Variants in SAFB observed in about 807,000 individuals in gnomAD.
SAFB encodes scaffold attachment factor B1.
SAFB carries 15 observed loss-of-function variants against 101.6 expected under a neutral mutation model. The observed-to-expected ratio is 0.15, with a 90% CI of 0.10 to 0.23. SAFB has a LOEUF of 0.23. Among genes scored for constraint, SAFB ranks in the 10% least tolerant of loss-of-function variants. The probability of loss-of-function intolerance (pLI) is 1.00; values close to 1 mark genes in which losing one functional copy is unlikely to be tolerated. For synonymous variants in SAFB, 449 were observed against 407.5 expected (o/e 1.10, Z -1.23); for missense variants, 930 against 1,104.1 (o/e 0.84, Z 2.23).
At chr19:5,656,280 A>G (rs886912283) in intron 13 of SAFB, among the ~76,000 whole-genome samples, 3 of 151,370 alleles carry the variant, frequency 2.0e-5, no homozygotes, top group Non-Finnish European at 4.4e-5. Context: ...TTTATTTGTT[A>G]TTATTATTTT....
At chr19:5,628,523 G>A (rs1417712803) in intron 2 of SAFB, among the ~76,000 whole-genome samples, 2 of 152,126 alleles carry the variant, frequency 1.3e-5, no homozygotes, top group Non-Finnish European at 2.9e-5. Context: ...CATCAGGTGT[G>A]GAATTTTCTA....
chr19:5,630,704 C>T (rs986530046), intron 2 of SAFB, among the ~76,000 whole-genome samples: 6 of 149,232 alleles, frequency 4.0e-5, no homozygotes, highest in Non-Finnish European at 7.4e-5. Flanking sequence ...TGCAGTGAGC[C>T]GAGATCACGC....
intron 8 of SAFB, 28 bp from the exon 9 acceptor site, chr19:5,650,950 T>G: frequency 1.4e-6 from 2 of 1,434,792 alleles, no homozygotes; most frequent in Non-Finnish European, 1.9e-6. Flanking sequence ...GGTATTTGGG[T>G]TTTTACTAGA....
At chr19:5,655,475 A>C (rs551408956) in intron 13 of SAFB, among the ~76,000 whole-genome samples, 15 of 151,804 alleles carry the variant, frequency 9.9e-5, no homozygotes, top group East Asian at 3.9e-4. Flanking sequence ...AAAAAAAAAA[A>C]AAAAACACAC....
chr19:5,626,316 A>G (rs1450082215), intron 1 of SAFB, 89 bp from the exon 2 acceptor site: 8 of 778,544 alleles, frequency 1.0e-5, no homozygotes, highest in Admixed American at 2.1e-5. Context: ...TTGATCTTAA[A>G]AATACAGTTT....
intron 6 of SAFB, chr19:5,648,330 T>C: frequency 4.8e-6 from 2 of 418,810 alleles, no homozygotes; most frequent in Non-Finnish European, 8.4e-6. Flanking sequence ...GAGAAAGAGT[T>C]CCAGATGCCT....
chr19:5,653,909 A>C, intron 11 of SAFB, 152 bp from the exon 12 acceptor site: 3 of 628,114 alleles, frequency 4.8e-6, no homozygotes, highest in Non-Finnish European at 5.5e-6. Flanking sequence ...AGCCATGCCC[A>C]TTTGTGGTTT....
chr19:5,640,358 CT>C lies in SAFB; in HGVS notation c.275-1213del, dbSNP rs34358887. The stretch of plus-strand genomic sequence containing the variant: ...TTAACAGAGATTCAAGAAAGATTGG[CT>C]TTTTTTTTTTTTTTTTTTTTTTCTG... On this transcript the variant is annotated intron_variant, in intron 2 of 20. Transcript: ENST00000588852. Among the ~76,000 whole-genome samples the C allele has an allele frequency of 9.2e-3, 839 of 91,488 alleles. 1 individual carries two copies. The highest frequency in any genetic ancestry group is 0.017 in the Middle Eastern group (2 of 120). 60.0% of individuals were successfully genotyped at this position (91,488 alleles called of 152,430 possible). A position where few individuals can be genotyped will look rare whatever the true frequency, so the allele number is the denominator to read the frequency against.
At chr19:5,628,500 C>A (rs1007234161) in intron 2 of SAFB, among the ~76,000 whole-genome samples, 14 of 152,136 alleles carry the variant, frequency 9.2e-5, no homozygotes, top group Non-Finnish European at 1.8e-4. Flanking sequence ...ACAAAACTTT[C>A]ACTAATTCCA....
chr19:5,630,930 G>A (rs1412018198), intron 2 of SAFB, among the ~76,000 whole-genome samples: 1 of 152,106 alleles, frequency 6.6e-6, no homozygotes, highest in Non-Finnish European at 1.5e-5. Flanking sequence ...GGTGGCTCAT[G>A]CCTGTAATCC....
intron 2 of SAFB, among the ~76,000 whole-genome samples, chr19:5,638,117 A>T (rs139059694): frequency 2.4e-4 from 36 of 152,312 alleles, no homozygotes; most frequent in African/African-American, 7.5e-4. Flanking sequence ...TGTTTGGATG[A>T]AGGTGCCAGC....
intron 5 of SAFB, 47 bp downstream of exon 5, chr19:5,645,446 A>G: frequency 6.7e-6 from 6 of 890,652 alleles, no homozygotes; most frequent in Non-Finnish European, 1.1e-5. Flanking sequence ...AGGTCAGACC[A>G]CAATTTCTGG....
chr19:5,667,984 C>T lies in SAFB; in HGVS notation c.2624+98C>T. 7.0e-7 allele frequency: 1 copy of T among 1,428,812 alleles called. No individual in the cohort carries two copies. The highest frequency in any genetic ancestry group is 9.5e-7 in the Non-Finnish European group (1 of 1,049,894). The allele number at this position is 1,428,812 out of a possible 1,614,324, so 88.5% of individuals were successfully genotyped here. On this transcript the variant is annotated intron_variant, in intron 20 of 20. Coordinates refer to ENST00000588852, the MANE Select transcript of SAFB (RefSeq NM_001201338.2). This position sits in a 1 kb window ranked among gnomAD's most constrained non-coding sequence, Gnocchi z 4.0. ...CCAAGTCCTTCCAGCTAGTGCCCCT[C>T]CCCCCAAGGGTGACGTGAGGCCAGG...
At chr19:5,663,119 C>T (rs2054252486) in intron 15 of SAFB, among the ~76,000 whole-genome samples, 1 of 152,140 alleles carries the variant, frequency 6.6e-6, no homozygotes, top group Non-Finnish European at 1.5e-5. Context: ...TCTCCTGCTT[C>T]ACTCTCCCAA....
chr19:5,626,517 A>C (rs1405291136), intron 2 of SAFB, 28 bp downstream of exon 2: 1 of 1,318,336 alleles, frequency 7.6e-7, no homozygotes, highest in East Asian at 2.3e-5. Context: ...AGCAAGTTTC[A>C]TGTTAAGTGC....
intron 7 of SAFB, 171 bp downstream of exon 7, chr19:5,649,670 T>G (rs2053893642): frequency 1.6e-6 from 1 of 635,976 alleles, no homozygotes; most frequent in African/African-American, 1.8e-5. Flanking sequence ...GTGATTCAAT[T>G]CCTTTTCTTT....
At chr19:5,628,246 C>T (rs1461394080) in intron 2 of SAFB, among the ~76,000 whole-genome samples, 1 of 151,880 alleles carries the variant, frequency 6.6e-6, no homozygotes, top group Non-Finnish European at 1.5e-5. Flanking sequence ...AAGACTCCAT[C>T]CCCCTAAAAA....
At chr19:5,642,910 G>C (rs1000432832) in intron 4 of SAFB, among the ~76,000 whole-genome samples, 2 of 151,778 alleles carry the variant, frequency 1.3e-5, no homozygotes, top group Admixed American at 6.6e-5. Flanking sequence ...CAGGTGATCC[G>C]CCTGCCTCAG....
chr19:5,636,741 ACT>A (rs1333226836), intron 2 of SAFB, among the ~76,000 whole-genome samples: 1 of 151,732 alleles, frequency 6.6e-6, no homozygotes, highest in Non-Finnish European at 1.5e-5. Context: ...ACAGGGTCTG[ACT>A]CTGTCACCCA....
Sources: gnomAD v4.1 joint callset for allele counts (sites outside exome capture counted in the v4.1 genomes callset) on GRCh38, gnomAD v4.1.1 for gene constraint, Gnocchi (gnomAD v3.1) non-coding constraint, MANE v1.5 for transcripts, NCBI Gene and HGNC (gene_info 2026-07-23, HGNC 2026-07-21) for gene names.